SDK1: variants seen among roughly 807,000 people sequenced by gnomAD.
The protein encoded by SDK1 is sidekick cell adhesion molecule 1.
A neutral mutation model predicts 245.5 loss-of-function variants in SDK1; 157 were observed. The ratio of observed to expected loss-of-function variants is 0.64; its 90% CI spans 0.56 to 0.73. The LOEUF (loss-of-function observed/expected upper bound fraction) is 0.73, where lower values mean the gene tolerates loss of function less well. Among genes scored for constraint, SDK1 ranks in the 30% least tolerant of loss-of-function variants. The probability of loss-of-function intolerance (pLI) is 0.00; values close to 1 mark genes in which losing one functional copy is unlikely to be tolerated. For synonymous variants in SDK1, 1,647 were observed against 1,278.5 expected (o/e 1.29, Z -6.15); for missense variants, 3,583 against 3,002.3 (o/e 1.19, Z -4.52).
At chr7:3,403,201 T>C (rs1778937785) in intron 1 of SDK1, among the ~76,000 whole-genome samples, 1 of 152,194 alleles carries the variant, frequency 6.6e-6, no homozygotes, top group South Asian at 2.1e-4. Flanking sequence ...CCCAAAGTGT[T>C]GGGATTACAG....
At chr7:4,034,834 A>G (rs957185871) in intron 17 of SDK1, among the ~76,000 whole-genome samples, 5 of 152,368 alleles carry the variant, frequency 3.3e-5, no homozygotes, top group Non-Finnish European at 5.9e-5. Flanking sequence ...GGCATATTAT[A>G]TATCATAACA....
At chr7:3,921,734 G>T (rs1446397628) in intron 5 of SDK1, among the ~76,000 whole-genome samples, 1 of 152,146 alleles carries the variant, frequency 6.6e-6, no homozygotes, top group Non-Finnish European at 1.5e-5. Flanking sequence ...GGGAGGCCGA[G>T]GCAGGAGGAT....
intron 4 of SDK1, among the ~76,000 whole-genome samples, chr7:3,749,201 ATC>A (rs1453902401): frequency 1.3e-5 from 2 of 152,092 alleles, no homozygotes; most frequent in East Asian, 3.9e-4. Context: ...CAGTGGCATA[ATC>A]TCTGCTCACT....
chr7:4,036,949 A>G (rs530691302), intron 17 of SDK1, among the ~76,000 whole-genome samples: 50 of 152,266 alleles, frequency 3.3e-4, no homozygotes, highest in Non-Finnish European at 5.3e-4. Context: ...GCAGCTGTCT[A>G]TTGCATTCAC....
intron 35 of SDK1, among the ~76,000 whole-genome samples, chr7:4,200,296 G>C (rs1182901166): frequency 6.6e-6 from 1 of 152,244 alleles, no homozygotes; most frequent in Non-Finnish European, 1.5e-5. Flanking sequence ...ACTTCAAAAT[G>C]TGCAGAGGCT....
chr7:4,100,532 G>C (rs902496525), intron 22 of SDK1, among the ~76,000 whole-genome samples: 2 of 152,134 alleles, frequency 1.3e-5, no homozygotes, highest in Non-Finnish European at 2.9e-5. Flanking sequence ...CTTTAGGAGG[G>C]GATGGGGTCA....
At chr7:4,053,334 T>C (rs1462009481) in intron 19 of SDK1, among the ~76,000 whole-genome samples, 1 of 149,606 alleles carries the variant, frequency 6.7e-6, no homozygotes, top group African/African-American at 2.5e-5. Flanking sequence ...CTTCACCCTT[T>C]ATTTCCGTGT....
chr7:3,466,339 C>T (rs1781001026), intron 1 of SDK1, among the ~76,000 whole-genome samples: 1 of 151,338 alleles, frequency 6.6e-6, no homozygotes. Context: ...GATGCTGCTT[C>T]TCAAAACATT....
intron 1 of SDK1, among the ~76,000 whole-genome samples, chr7:3,432,618 G>A (rs972136917): frequency 6.6e-6 from 1 of 152,114 alleles, no homozygotes; most frequent in South Asian, 2.1e-4. Flanking sequence ...AGAAAAACCT[G>A]TGTCTGGCTC....
At chr7:4,053,183 T>A (rs1369027760) in intron 19 of SDK1, among the ~76,000 whole-genome samples, 3 of 151,980 alleles carry the variant, frequency 2.0e-5, no homozygotes, top group African/African-American at 7.2e-5. Flanking sequence ...CTCAGCCTTC[T>A]GAACTTGTCT....
At chr7:4,127,755 C>T (rs964800247) in intron 26 of SDK1, among the ~76,000 whole-genome samples, 2 of 152,242 alleles carry the variant, frequency 1.3e-5, no homozygotes, top group South Asian at 2.1e-4. Context: ...AACTGACCTC[C>T]GGGCCTGCGC....
At chr7:3,685,010 G>A (rs1411321902) in intron 4 of SDK1, among the ~76,000 whole-genome samples, 1 of 152,104 alleles carries the variant, frequency 6.6e-6, no homozygotes, top group Non-Finnish European at 1.5e-5. Flanking sequence ...AGACTGAGAG[G>A]TAACATTGGT....
Position 3,617,116 on chromosome 7 carries a change from A to G in SDK1, c.299-1964A>G, listed in dbSNP as rs537107548. On this transcript the variant is annotated intron_variant, in intron 1 of 44. Coordinates refer to ENST00000404826, the MANE Select transcript of SDK1 (RefSeq NM_152744.4). ...TGGGTATAATGATGACATCTATGTTATAGGGCTTTTGTGAGAAATAGGTTA... is the reference window on the plus strand; with the variant it reads ...TGGGTATAATGATGACATCTATGTTGTAGGGCTTTTGTGAGAAATAGGTTA... 4.6e-5 allele frequency among the ~76,000 whole-genome samples: 7 copies of G among 152,326 alleles called. 1 individual carries two copies. Among genetic ancestry groups the G allele is most frequent in the African/African-American group, 1.7e-4 (7 of 41,586 alleles).
chr7:3,479,117 A>T (rs1182142348), intron 1 of SDK1, among the ~76,000 whole-genome samples: 2 of 152,294 alleles, frequency 1.3e-5, no homozygotes, highest in East Asian at 1.9e-4. Flanking sequence ...TCACATTTGC[A>T]TAAGCATATC....
chr7:3,549,834 C>G (rs1397501535), intron 1 of SDK1, among the ~76,000 whole-genome samples: 1 of 152,036 alleles, frequency 6.6e-6, no homozygotes, highest in Non-Finnish European at 1.5e-5. Context: ...AGATCTGAAT[C>G]ATGACCTTTT....
chr7:3,502,557 T>G (rs1782251539), intron 1 of SDK1, among the ~76,000 whole-genome samples: 1 of 152,202 alleles, frequency 6.6e-6, no homozygotes, highest in South Asian at 2.1e-4. Context: ...CCAGGATGAT[T>G]TATTTTTAAT....
chr7:3,763,531 A>G, intron 4 of SDK1, among the ~76,000 whole-genome samples: 1 of 152,200 alleles, frequency 6.6e-6, no homozygotes, highest in East Asian at 1.9e-4. Flanking sequence ...AGGCATCAGT[A>G]CACGTTGCCC....
intron 4 of SDK1, among the ~76,000 whole-genome samples, chr7:3,758,158 C>G (rs1779989883): frequency 6.6e-6 from 1 of 152,174 alleles, no homozygotes; most frequent in Non-Finnish European, 1.5e-5. Context: ...GTTAAAACCG[C>G]CACTGTACTT....
At chr7:3,661,613 C>G (rs891193658) in intron 4 of SDK1, among the ~76,000 whole-genome samples, 1 of 152,166 alleles carries the variant, frequency 6.6e-6, no homozygotes. Context: ...ATTTTAAAAA[C>G]TGTTTCTAAA....
Sources: allele counts gnomAD v4.1 joint callset (sites outside exome capture counted in the v4.1 genomes callset), GRCh38; gene constraint gnomAD v4.1.1; transcripts MANE v1.5; gene names NCBI Gene and HGNC (gene_info 2026-07-23, HGNC 2026-07-21).